The following PIAS1 variants were observed in gnomAD, a reference collection of about 807,000 sequenced individuals.
The protein encoded by PIAS1 is E3 SUMO-protein ligase PIAS1.
Under a neutral mutation model 71.3 loss-of-function variants are expected in PIAS1, and 6 were observed. The ratio of observed to expected loss-of-function variants is 0.08; its 90% CI spans 0.05 to 0.17. The LOEUF (loss-of-function observed/expected upper bound fraction) is 0.17, where lower values mean the gene tolerates loss of function less well. Among genes scored for constraint, PIAS1 ranks in the 10% least tolerant of loss-of-function variants. The pLI is 1.00. For synonymous variants in PIAS1, 303 were observed against 292.9 expected, an observed-to-expected ratio of 1.03 and a Z score of -0.35; for missense variants, 555 against 793.6, an observed-to-expected ratio of 0.70 and a Z score of 3.61.
rs999750453 is a variant in PIAS1, at chr15:68,186,371, T to G, written c.1663-1171T>G. 6.6e-6 allele frequency among the ~76,000 whole-genome samples: 1 copy of G among 152,330 alleles called. No individual in the cohort carries two copies. Reference sequence around the variant, plus strand: ...ATTTTAAAATGTTAAAAATAGAGACTTACAGAATAAGGATATAAAGAAGGA... The same window carrying G: ...ATTTTAAAATGTTAAAAATAGAGACGTACAGAATAAGGATATAAAGAAGGA... On this transcript the variant is annotated intron_variant, in intron 13 of 13. Coordinates refer to ENST00000249636, the MANE Select transcript of PIAS1 (RefSeq NM_016166.3). The surrounding 1 kb of genome is among the most constrained non-coding windows in gnomAD (Gnocchi z 4.4).
At chr15:68,182,425 A>AGTGTGTGTGTGTGTGT (rs10532167) in intron 12 of PIAS1, among the ~76,000 whole-genome samples, 14 of 123,338 alleles carry the variant, frequency 1.1e-4, no homozygotes, top group East Asian at 9.2e-4. Context: ...AGTTACAGCT[A>AGTGTGTGTGTGTGTGT]GTGTGTGTGT....
chr15:68,055,529 A>G (rs1170916642), intron 1 of PIAS1, among the ~76,000 whole-genome samples: 2 of 152,020 alleles, frequency 1.3e-5, no homozygotes, highest in Non-Finnish European at 2.9e-5. Flanking sequence ...CTGGATTGTG[A>G]CAAATGGGGC....
At chr15:68,088,008 CA>C (rs2092298239) in intron 2 of PIAS1, 1 of 232,630 alleles carries the variant, frequency 4.3e-6, no homozygotes, top group African/African-American at 2.3e-5. Context: ...ATGGAATTGC[CA>C]AAGTTCCTTC....
chr15:68,181,798 C>T (rs1342910109), intron 12 of PIAS1: 1 of 157,876 alleles, frequency 6.3e-6, no homozygotes, highest in Non-Finnish European at 1.4e-5. Context: ...GCCTCAGCTT[C>T]CCGACCGAGT....
chr15:68,112,885 C>A (rs1400222999), intron 2 of PIAS1, among the ~76,000 whole-genome samples: 1 of 152,076 alleles, frequency 6.6e-6, no homozygotes, highest in Non-Finnish European at 1.5e-5. Context: ...CATGATGCAT[C>A]CACCCACATA....
At chr15:68,142,108 G>A in intron 3 of PIAS1, 78 bp downstream of exon 3, 1 of 1,044,234 alleles carries the variant, frequency 9.6e-7, no homozygotes, top group Non-Finnish European at 1.5e-6. Context: ...AAAAAACAGT[G>A]ATTGGTGAGT....
chr15:68,177,374 A>C (rs1363546218), intron 11 of PIAS1, among the ~76,000 whole-genome samples: 4 of 152,142 alleles, frequency 2.6e-5, no homozygotes, highest in African/African-American at 9.7e-5. Flanking sequence ...ACATTTGTTC[A>C]AACTGGAATG....
intron 1 of PIAS1, among the ~76,000 whole-genome samples, chr15:68,065,622 T>G (rs2092010862): frequency 6.6e-6 from 1 of 151,238 alleles, no homozygotes; most frequent in Non-Finnish European, 1.5e-5. Context: ...TTATTTCTAG[T>G]GATCTCTTAC....
chr15:68,124,194 A>G (rs1463397742), intron 2 of PIAS1, among the ~76,000 whole-genome samples: 1 of 152,194 alleles, frequency 6.6e-6, no homozygotes, highest in African/African-American at 2.4e-5. Context: ...GGTATTCCAG[A>G]GAATTTGAAT....
At position 68,113,219 on chromosome 15, in the gene PIAS1, A is replaced by G. The variant is rs141197581; in HGVS notation, c.469+26469A>G. Among the ~76,000 whole-genome samples the G allele has an allele frequency of 1.5e-3, 222 of 152,296 alleles. 2 individuals are homozygous for G. The highest frequency in any genetic ancestry group is 6.8e-3 in the Middle Eastern group (2 of 294). On this transcript the variant is annotated intron_variant, in intron 2 of 13. Coordinates refer to ENST00000249636, the MANE Select transcript of PIAS1 (RefSeq NM_016166.3). ...TATATGTGTGCACATACATAGGTACATATCAATGTATGTATAGGAAAATGC... is the reference window on the plus strand; with the variant it reads ...TATATGTGTGCACATACATAGGTACGTATCAATGTATGTATAGGAAAATGC...
At chr15:68,098,024 A>G (rs1756075930) in intron 2 of PIAS1, among the ~76,000 whole-genome samples, 2 of 152,128 alleles carry the variant, frequency 1.3e-5, no homozygotes, top group Admixed American at 1.3e-4. Context: ...TTTGAATATT[A>G]TTCTAGATCT....
rs79969744 is a variant in PIAS1, at chr15:68,080,501, C to A, written c.25-5805C>A. ...ACAAGATTATGGAGAAGTATGTAAC[C>A]AACCTGATTTGCTGCTTTGAATAGA... On this transcript the variant is annotated intron_variant, in intron 1 of 13. Transcript: ENST00000249636. 6.5e-4 allele frequency among the ~76,000 whole-genome samples: 99 copies of A among 152,260 alleles called. 1 individual carries two copies. In the East Asian group the frequency reaches 0.019, roughly 28 times the overall value.
At position 68,054,361 on chromosome 15, in the gene PIAS1, G is replaced by A; in HGVS notation, c.24+11G>A. 2.5e-6 allele frequency: 4 copies of A among 1,571,628 alleles called. No individual in the cohort carries two copies. The highest frequency in any genetic ancestry group is 1.2e-5 in the South Asian group (1 of 85,490). ...AGTGCGGAACTAAAGGTAAAGCGCA[G>A]CTCGAATTCACTTCTAATATTCGGC... On this transcript the variant is annotated intron_variant, in intron 1 of 13. Transcript: ENST00000249636. The surrounding 1 kb of genome is among the most constrained non-coding windows in gnomAD (Gnocchi z 4.6).
At chr15:68,096,695 T>C (rs992273279) in intron 2 of PIAS1, among the ~76,000 whole-genome samples, 2 of 152,212 alleles carry the variant, frequency 1.3e-5, no homozygotes, top group African/African-American at 4.8e-5. Flanking sequence ...ATTGAATTGT[T>C]AAGTTCCTTT....
At chr15:68,140,902 C>A (rs1196858528) in intron 2 of PIAS1, among the ~76,000 whole-genome samples, 2 of 152,130 alleles carry the variant, frequency 1.3e-5, no homozygotes, top group African/African-American at 2.4e-5. Context: ...ATAGTTTAAT[C>A]TGCTATTTCT....
At chr15:68,141,233 A>G (rs1191864118) in intron 2 of PIAS1, among the ~76,000 whole-genome samples, 1 of 152,018 alleles carries the variant, frequency 6.6e-6, no homozygotes, top group Non-Finnish European at 1.5e-5. Flanking sequence ...TAATGGAACT[A>G]TTGTTGCTCA....
In PIAS1 at chr15:68,167,740, C is replaced by G. The variant is rs894596944; in HGVS notation, c.1008+2936C>G. ...TTTGTTTTTGAGACAGAGTTTTGCT[C>G]TGTCACCCAGGCTGGAGTACAGTGG... On this transcript the variant is annotated intron_variant, in intron 8 of 13. Transcript: ENST00000249636. The surrounding 1 kb of genome is among the most constrained non-coding windows in gnomAD (Gnocchi z 4.4). Among the ~76,000 whole-genome samples the G allele has an allele frequency of 1.3e-4, 20 of 152,146 alleles. No individual in the cohort carries two copies. The highest frequency in any genetic ancestry group is 7.4e-5 in the Non-Finnish European group (5 of 68,022).
At chr15:68,070,411 A>C (rs1469020198) in intron 1 of PIAS1, among the ~76,000 whole-genome samples, 1 of 152,214 alleles carries the variant, frequency 6.6e-6, no homozygotes, top group East Asian at 1.9e-4. Context: ...AGGGTGGTGC[A>C]GGTTCTGCTG....
At chr15:68,127,015 A>G (rs1482789104) in intron 2 of PIAS1, among the ~76,000 whole-genome samples, 2 of 151,372 alleles carry the variant, frequency 1.3e-5, no homozygotes, top group East Asian at 2.0e-4. Flanking sequence ...GCTCACTGCA[A>G]CCTCTCCTGG....
Sources: gnomAD v4.1 joint callset for allele counts (sites outside exome capture counted in the v4.1 genomes callset) on GRCh38, gnomAD v4.1.1 for gene constraint, Gnocchi (gnomAD v3.1) non-coding constraint, MANE v1.5 for transcripts, NCBI Gene and HGNC (gene_info 2026-07-23, HGNC 2026-07-21) for gene names.